Variants in GABRR2 observed in about 807,000 individuals in gnomAD.
GABRR2 encodes gamma-aminobutyric acid type A receptor subunit rho2.
GABRR2 carries 36 observed loss-of-function variants against 47.0 expected under a neutral mutation model. That is an observed-to-expected ratio of 0.77 (90% confidence interval 0.59 to 1.01). The LOEUF is 1.01. GABRR2 is among the 50% of genes least tolerant of loss of function. GABRR2 has a pLI of 0.00. For synonymous variants in GABRR2, 204 were observed against 227.5 expected, an observed-to-expected ratio of 0.90 and a Z score of 0.93; for missense variants, 587 against 594.6, an observed-to-expected ratio of 0.99 and a Z score of 0.13.
At chr6:89,269,793 A>T (rs1252884468) in intron 3 of GABRR2, among the ~76,000 whole-genome samples, 1 of 152,228 alleles carries the variant, frequency 6.6e-6, no homozygotes, top group Admixed American at 6.5e-5. Flanking sequence ...TGGTTGAAAG[A>T]TCGGGGAGAT....
At chr6:89,289,164 C>T (rs2127843101) in intron 2 of GABRR2, among the ~76,000 whole-genome samples, 1 of 152,248 alleles carries the variant, frequency 6.6e-6, no homozygotes, top group East Asian at 1.9e-4. Flanking sequence ...TGCTCGCAGG[C>T]AGAAAGAAGC....
chr6:89,291,126 A>T (rs977785549), intron 2 of GABRR2, among the ~76,000 whole-genome samples: 1 of 152,038 alleles, frequency 6.6e-6, no homozygotes, highest in Admixed American at 6.6e-5. Flanking sequence ...CACACTCAGG[A>T]GGTGCCCTAG....
At chr6:89,302,677 G>A (rs1356975044) in intron 1 of GABRR2, 12 of 1,301,414 alleles carry the variant, frequency 9.2e-6, no homozygotes, top group East Asian at 3.4e-5. Context: ...GCCCGCGACC[G>A]GCACCACGGC....
Position 89,256,447 on chromosome 6 carries a change from T to C in GABRR2, c.*1223A>G, listed in dbSNP as rs191488314. Among the ~76,000 whole-genome samples the C allele has an allele frequency of 9.2e-5, 14 of 152,214 alleles. No homozygotes were observed. Among genetic ancestry groups the C allele is most frequent in the African/African-American group, 2.9e-4 (12 of 41,518 alleles). On this transcript the variant is annotated 3_prime_UTR_variant, in exon 9 of 9. Coordinates refer to ENST00000402938, the MANE Select transcript of GABRR2 (RefSeq NM_002043.5). ...CTTTAAAATGTTTATTGCCTGAATA[T>C]ATAATAGTAACACCGCAATTAACAT...
intron 1 of GABRR2, among the ~76,000 whole-genome samples, chr6:89,308,211 T>C (rs530135264): frequency 6.6e-6 from 1 of 152,302 alleles, no homozygotes; most frequent in African/African-American, 2.4e-5. Context: ...CTTGGAGGCA[T>C]CCTCTTATGA....
At chr6:89,302,429 C>T (rs981421451) in intron 1 of GABRR2, 16 of 570,294 alleles carry the variant, frequency 2.8e-5, no homozygotes, top group African/African-American at 2.4e-4. Context: ...AGGCTGGCCA[C>T]GCCCACCTAC....
intron 3 of GABRR2, among the ~76,000 whole-genome samples, chr6:89,270,115 G>A (rs575232266): frequency 4.5e-4 from 68 of 152,302 alleles, no homozygotes; most frequent in South Asian, 1.2e-3. Context: ...GGCTCCCAGT[G>A]CATCAGCAGC....
rs374158881 is a variant in GABRR2, at chr6:89,299,768, C to G, written c.211G>C (p.Ala71Pro). 6.2e-7 allele frequency: 1 copy of G among 1,612,660 alleles called. No homozygotes were observed. Among genetic ancestry groups the G allele is most frequent in the East Asian group, 2.2e-5 (1 of 44,870 alleles). Reference sequence around the variant, plus strand: ...GGAAGAACAGTCCTACCTCCGAAGGCGGGTCTCATGCTGAAGTCGTGCTCG... The same window carrying G: ...GGAAGAACAGTCCTACCTCCGAAGGGGGGTCTCATGCTGAAGTCGTGCTCG... ...VDEHDFSMRP[A>P]FGGPAIPVGV... Residue 71 changes from alanine to proline, a missense_variant, in exon 2 of 9, where the codon GCC becomes CCC. Physicochemically the swap from Ala to Pro is conservative, Grantham distance 27 (BLOSUM62 -1). Transcript: ENST00000402938.
Position 89,264,463 on chromosome 6 carries a change from G to C in GABRR2, c.1035C>G (p.Val345=), listed in dbSNP as rs766246867. The stretch of plus-strand genomic sequence containing the variant: ...GCTCCTGCACGGTGGTCAGGTAGTT[G>C]ACAGCCGCATACTCCAGCACCGAGA... ...VFLSVLEYAA[V]NYLTTVQERK... Residue 345 remains valine (V), a synonymous_variant, in exon 8 of 9, where the codon GTC becomes GTG. Transcript: ENST00000402938. 1.2e-6 allele frequency: 2 copies of C among 1,613,806 alleles called. No homozygotes were observed. The highest frequency in any genetic ancestry group is 1.7e-6 in the Non-Finnish European group (2 of 1,179,980).
chr6:89,272,914 G>C (rs1243906260), intron 2 of GABRR2, among the ~76,000 whole-genome samples: 1 of 152,202 alleles, frequency 6.6e-6, no homozygotes, highest in Non-Finnish European at 1.5e-5. Flanking sequence ...CAGGGTAGAG[G>C]TCCTCTTGGA....
intron 1 of GABRR2, among the ~76,000 whole-genome samples, chr6:89,309,064 GGA>G (rs1767630236): frequency 2.0e-5 from 3 of 152,124 alleles, no homozygotes; most frequent in Admixed American, 6.6e-5. Flanking sequence ...AGGGAGGGAG[GGA>G]GTCATGAGAG....
At chr6:89,296,447 T>G (rs2148175) in intron 2 of GABRR2, among the ~76,000 whole-genome samples, 2 of 152,168 alleles carry the variant, frequency 1.3e-5, no homozygotes, top group Non-Finnish European at 2.9e-5. Context: ...TGCAGGAGAT[T>G]ACAGGTGCCC....
At chr6:89,284,821 G>A (rs1371979965) in intron 2 of GABRR2, among the ~76,000 whole-genome samples, 9 of 152,164 alleles carry the variant, frequency 5.9e-5, no homozygotes, top group East Asian at 1.9e-4. Context: ...AAACTTAGAG[G>A]AAAGTAATAC....
chr6:89,276,170 A>C (rs1774156723), intron 2 of GABRR2, among the ~76,000 whole-genome samples: 1 of 148,418 alleles, frequency 6.7e-6, no homozygotes, highest in Admixed American at 6.7e-5. Context: ...TATATAAATA[A>C]GTTCATAAGC....
At chr6:89,302,628 C>G in intron 1 of GABRR2, 6 of 1,258,846 alleles carry the variant, frequency 4.8e-6, no homozygotes, top group Non-Finnish European at 6.7e-6. Flanking sequence ...CGTGCCCGAG[C>G]TCACCCCTCA....
At position 89,315,178 on chromosome 6, in the gene GABRR2, T is replaced by C. The variant is rs954342943; in HGVS notation, c.-13A>G. On this transcript the variant is annotated 5_prime_UTR_variant, in exon 1 of 9. Transcript: ENST00000402938. ...TAAAATAAGGCATTTTGTGGACATC[T>C]GTGAGGCAAAAAGCTGCTTTCCAGT... The C allele has an allele frequency of 3.1e-6, 5 of 1,613,710 alleles. No homozygotes were observed. Among genetic ancestry groups the C allele is most frequent in the Middle Eastern group, 1.7e-4 (1 of 6,054 alleles).
At chr6:89,262,260 C>T (rs567259534) in intron 8 of GABRR2, among the ~76,000 whole-genome samples, 1 of 152,300 alleles carries the variant, frequency 6.6e-6, no homozygotes, top group Admixed American at 6.5e-5. Flanking sequence ...AATTGTAATA[C>T]ATTGAAATGT....
At chr6:89,313,547 G>T (rs1027865730) in intron 1 of GABRR2, among the ~76,000 whole-genome samples, 2 of 152,148 alleles carry the variant, frequency 1.3e-5, no homozygotes, top group African/African-American at 4.8e-5. Context: ...AACCCAACCC[G>T]CATGGGTTGT....
chr6:89,297,959 T>G (rs897066332), intron 2 of GABRR2, among the ~76,000 whole-genome samples: 11 of 152,372 alleles, frequency 7.2e-5, no homozygotes, highest in African/African-American at 2.6e-4. Flanking sequence ...AAAGTGGAGC[T>G]TCTTGCTTTT....
Sources: gnomAD v4.1 joint callset for allele counts (sites outside exome capture counted in the v4.1 genomes callset) on GRCh38, gnomAD v4.1.1 for gene constraint, MANE v1.5 for transcripts, NCBI Gene and HGNC (gene_info 2026-07-23, HGNC 2026-07-21) for gene names.